The following SYNPR variants were observed in gnomAD, a reference collection of about 807,000 sequenced individuals.
SYNPR encodes synaptoporin.
A neutral mutation model predicts 32.9 loss-of-function variants in SYNPR; 23 were observed. That is an observed-to-expected ratio of 0.70 (90% CI 0.50 to 0.99). The LOEUF is 0.99. SYNPR is among the 50% of genes least tolerant of loss of function. SYNPR has a pLI of 0.00. For synonymous variants in SYNPR, 146 were observed against 135.9 expected, an observed-to-expected ratio of 1.07 and a Z score of -0.52; for missense variants, 318 against 349.3, an observed-to-expected ratio of 0.91 and a Z score of 0.71.
At chr3:63,563,072 T>C (rs1293382381) in intron 4 of SYNPR, among the ~76,000 whole-genome samples, 1 of 152,174 alleles carries the variant, frequency 6.6e-6, no homozygotes, top group Non-Finnish European at 1.5e-5. Context: ...TACTGGGTAG[T>C]TCCTTAGTCC....
chr3:63,394,170 A>G (rs1426287073), intron 2 of SYNPR, among the ~76,000 whole-genome samples: 69 of 152,322 alleles, frequency 4.5e-4, no homozygotes, highest in Non-Finnish European at 2.4e-4. Flanking sequence ...TTGGAATAGG[A>G]CAGACCTGAA....
At chr3:63,333,889 G>T (rs1293660929) in intron 2 of SYNPR, among the ~76,000 whole-genome samples, 1 of 152,070 alleles carries the variant, frequency 6.6e-6, no homozygotes, top group African/African-American at 2.4e-5. Flanking sequence ...TCAATGCAAA[G>T]GAAAATATAT....
chr3:63,476,607 ACAT>A (rs994230689), intron 2 of SYNPR, among the ~76,000 whole-genome samples: 1 of 152,074 alleles, frequency 6.6e-6, no homozygotes, highest in African/African-American at 2.4e-5. Flanking sequence ...TGGCAAAAAA[ACAT>A]CATTCTTCCC....
chr3:63,254,128 T>A (rs2106892168), intron 2 of SYNPR, among the ~76,000 whole-genome samples: 1 of 151,780 alleles, frequency 6.6e-6, no homozygotes, highest in South Asian at 2.1e-4. Flanking sequence ...TGAGAACACA[T>A]GGACACAGGA....
At chr3:63,409,952 C>A (rs1416695036) in intron 2 of SYNPR, among the ~76,000 whole-genome samples, 1 of 152,134 alleles carries the variant, frequency 6.6e-6, no homozygotes, top group Non-Finnish European at 1.5e-5. Context: ...CAACAGCGTT[C>A]CAGAGAGTAG....
chr3:63,503,207 T>C (rs1382590838), intron 3 of SYNPR, among the ~76,000 whole-genome samples: 2 of 152,154 alleles, frequency 1.3e-5, no homozygotes, highest in African/African-American at 4.8e-5. Context: ...ACACGTGATG[T>C]GGAACATCTT....
chr3:63,486,057 C>G (rs1315909534), intron 3 of SYNPR, among the ~76,000 whole-genome samples: 1 of 152,162 alleles, frequency 6.6e-6, no homozygotes, highest in African/African-American at 2.4e-5. Context: ...TACAGATGTG[C>G]ACCACCATGC....
intron 4 of SYNPR, among the ~76,000 whole-genome samples, chr3:63,585,457 C>CT (rs67967375): frequency 4.9e-5 from 4 of 81,748 alleles, no homozygotes; most frequent in South Asian, 5.5e-4. Flanking sequence ...ATGCCCCCCC[C>CT]CTCCGCCCCG....
At chr3:63,251,698 G>A (rs2086332800) in intron 1 of SYNPR, among the ~76,000 whole-genome samples, 1 of 152,022 alleles carries the variant, frequency 6.6e-6, no homozygotes, top group Non-Finnish European at 1.5e-5. Flanking sequence ...GGGATGATCA[G>A]CAAAGATCTA....
rs1700271226 is a variant in SYNPR at position 63,615,759 on chromosome 3, A to T, written c.*278A>T. The T allele has an allele frequency of 3.3e-6, 1 of 302,766 alleles. No homozygotes were observed. The highest frequency in any genetic ancestry group is 2.2e-5 in the African/African-American group (1 of 46,204). 18.8% of individuals were successfully genotyped at this position (302,766 alleles called of 1,614,324 possible). A position where few individuals can be genotyped will look rare whatever the true frequency, so the allele number is the denominator to read the frequency against. On this transcript the variant is annotated 3_prime_UTR_variant, in exon 6 of 6. Coordinates refer to ENST00000478300, the MANE Select transcript of SYNPR (RefSeq NM_001130003.2). ...CATGGTCATTTTGTATGTATGTTAA[A>T]GTAGTAGAAGTATTTTGTAGCTTAA...
intron 2 of SYNPR, among the ~76,000 whole-genome samples, chr3:63,379,231 A>G (rs1206624825): frequency 2.0e-5 from 3 of 151,980 alleles, no homozygotes; most frequent in Non-Finnish European, 4.4e-5. Flanking sequence ...CTGTCTTTGT[A>G]TGTGTTCATA....
chr3:63,477,583 T>C (rs1700953206), intron 2 of SYNPR, among the ~76,000 whole-genome samples: 1 of 152,144 alleles, frequency 6.6e-6, no homozygotes, highest in African/African-American at 2.4e-5. Flanking sequence ...CACACCTTTA[T>C]CTCGGCTGCC....
intron 3 of SYNPR, among the ~76,000 whole-genome samples, chr3:63,507,050 G>T (rs976406222): frequency 6.6e-6 from 1 of 151,984 alleles, no homozygotes; most frequent in Non-Finnish European, 1.5e-5. Context: ...TGATGGCCGA[G>T]GTGGGAGAAT....
At position 63,245,083 on chromosome 3, in the gene SYNPR, G is replaced by C. The variant is rs199921415; in HGVS notation, n.67-7416G>C. ...CTTACATCTCCAAAGCATAAGGAAAGGGATTTTGAGAATTACTTGGTTTGC... is the reference window on the plus strand; with the variant it reads ...CTTACATCTCCAAAGCATAAGGAAACGGATTTTGAGAATTACTTGGTTTGC... On this transcript the variant is annotated intron_variant and non_coding_transcript_variant, in intron 1 of 4. Coordinates refer to the SYNPR transcript ENST00000478456. Among the ~76,000 whole-genome samples, 4 of 152,186 alleles carry C rather than the reference G, an allele frequency of 2.6e-5. No individual in the cohort carries two copies. In the East Asian group the frequency reaches 7.8e-4, roughly 30 times the overall value.
chr3:63,379,794 C>T (rs554520384), intron 2 of SYNPR, among the ~76,000 whole-genome samples: 1 of 152,042 alleles, frequency 6.6e-6, no homozygotes, highest in South Asian at 2.1e-4. Flanking sequence ...CCCATTAACT[C>T]GTCATTTACA....
intron 2 of SYNPR, among the ~76,000 whole-genome samples, chr3:63,421,694 C>T (rs1383986589): frequency 6.6e-6 from 1 of 152,184 alleles, no homozygotes; most frequent in Non-Finnish European, 1.5e-5. Context: ...AGGCACTCTG[C>T]TCAGACTGAA....
chr3:63,447,159 C>T (rs539627412), intron 2 of SYNPR, among the ~76,000 whole-genome samples: 51 of 152,208 alleles, frequency 3.4e-4, no homozygotes, highest in African/African-American at 6.7e-4. Context: ...GGCCATCAAA[C>T]GAAAACTTTT....
At chr3:63,514,964 C>T (rs1368561418) in intron 3 of SYNPR, among the ~76,000 whole-genome samples, 5 of 152,036 alleles carry the variant, frequency 3.3e-5, no homozygotes, top group Non-Finnish European at 5.9e-5. Context: ...TGTCAGTAAT[C>T]CTGAGTGGCA....
At chr3:63,557,384 A>C (rs1702613468) in intron 4 of SYNPR, among the ~76,000 whole-genome samples, 1 of 152,180 alleles carries the variant, frequency 6.6e-6, no homozygotes, top group South Asian at 2.1e-4. Flanking sequence ...TATCTAAAAT[A>C]TTTTACTGTC....
Sources: gnomAD v4.1 joint callset for allele counts (sites outside exome capture counted in the v4.1 genomes callset) on GRCh38, gnomAD v4.1.1 for gene constraint, MANE v1.5 for transcripts, NCBI Gene and HGNC (gene_info 2026-07-23, HGNC 2026-07-21) for gene names.